Variants in BMAL2 observed in about 807,000 individuals in gnomAD.
The protein encoded by BMAL2 is basic helix-loop-helix ARNT like 2, also known as basic helix-loop-helix ARNT-like protein 2.
chr12:27,409,476 C>G, the BMAL2 span, among the ~76,000 whole-genome samples: 3 of 152,086 alleles, frequency 2.0e-5, no homozygotes, highest in African/African-American at 7.2e-5. Flanking sequence ...ACAAACCTGA[C>G]AAAAAGAAGA....
chr12:27,393,519 G>C, the BMAL2 span, among the ~76,000 whole-genome samples: 61 of 152,310 alleles, frequency 4.0e-4, no homozygotes, highest in African/African-American at 1.5e-3. Context: ...GTGAGAAATG[G>C]TAAGTAGGGA....
At chr12:27,377,630 C>G in the BMAL2 span, 2 of 152,152 alleles carry the variant, frequency 1.3e-5, no homozygotes, top group Non-Finnish European at 2.9e-5. Flanking sequence ...AATCCCAGCT[C>G]CTTGGAAGGC....
chr12:27,384,007 A>G, the BMAL2 span, among the ~76,000 whole-genome samples: 4 of 152,204 alleles, frequency 2.6e-5, no homozygotes, highest in Non-Finnish European at 5.9e-5. Context: ...TGTGGTTAAA[A>G]TGTCTAAGGA....
At chr12:27,337,646 G>A in the BMAL2 span, among the ~76,000 whole-genome samples, 1 of 152,124 alleles carries the variant, frequency 6.6e-6, no homozygotes, top group Non-Finnish European at 1.5e-5. Flanking sequence ...AACTGGTGTG[G>A]GAAAATCAAT....
At chr12:27,388,649 G>T in the BMAL2 span, among the ~76,000 whole-genome samples, 7 of 152,236 alleles carry the variant, frequency 4.6e-5, no homozygotes, top group Admixed American at 1.3e-4. Flanking sequence ...GATGAATTCT[G>T]AGGGGTGGGA....
the BMAL2 span, among the ~76,000 whole-genome samples, chr12:27,349,485 A>T: frequency 6.6e-6 from 1 of 152,148 alleles, no homozygotes; most frequent in Non-Finnish European, 1.5e-5. Flanking sequence ...CTGGCATTAT[A>T]GTTCTGATTT....
At chr12:27,361,142 C>T in the BMAL2 span, among the ~76,000 whole-genome samples, 1 of 152,166 alleles carries the variant, frequency 6.6e-6, no homozygotes, top group Non-Finnish European at 1.5e-5. Context: ...TGTGTATTCT[C>T]TTTCAACCAC....
the BMAL2 span, among the ~76,000 whole-genome samples, chr12:27,377,962 C>CTT: frequency 0.59 from 89,040 of 151,744 alleles, 26,431 homozygotes; most frequent in South Asian, 0.7. Flanking sequence ...CCTCCCTACT[C>CTT]TTATCTGGAA....
the BMAL2 span, among the ~76,000 whole-genome samples, chr12:27,411,745 C>G: frequency 6.6e-6 from 1 of 152,114 alleles, no homozygotes; most frequent in Non-Finnish European, 1.5e-5. Flanking sequence ...TGGATATTAA[C>G]CACTTAGCAG....
At chr12:27,336,280 C>T in the BMAL2 span, among the ~76,000 whole-genome samples, 1 of 152,050 alleles carries the variant, frequency 6.6e-6, no homozygotes, top group African/African-American at 2.4e-5. Flanking sequence ...ACAGTGATTT[C>T]CTGCCCTGGT....
At chr12:27,358,971 G>A in the BMAL2 span, among the ~76,000 whole-genome samples, 4 of 140,194 alleles carry the variant, frequency 2.9e-5, no homozygotes, top group Admixed American at 1.4e-4. Context: ...TATCCATCAT[G>A]TGACTAAGGA....
chr12:27,403,443 A>G, the BMAL2 span: 7 of 1,598,864 alleles, frequency 4.4e-6, no homozygotes, highest in Admixed American at 1.0e-4. Context: ...AATCCTCTAG[A>G]CAGTCCTGTA....
At chr12:27,420,019 G>GCGCGCGCGCGCGCACA in the BMAL2 span, among the ~76,000 whole-genome samples, 1 of 147,568 alleles carries the variant, frequency 6.8e-6, no homozygotes, top group East Asian at 2.0e-4. Context: ...GTTTGCGCGT[G>GCGCGCGCGCGCGCACA]CACACACACA....
chr12:27,408,075 A>G, the BMAL2 span, among the ~76,000 whole-genome samples: 2 of 152,178 alleles, frequency 1.3e-5, no homozygotes, highest in East Asian at 3.8e-4. Flanking sequence ...GACCAATAAC[A>G]GGCTCTGAAA....
chr12:27,346,573 T>C, the BMAL2 span, among the ~76,000 whole-genome samples: 17 of 152,216 alleles, frequency 1.1e-4, no homozygotes, highest in Non-Finnish European at 1.9e-4. Flanking sequence ...TAAACCTTTG[T>C]TTTTAAAGTG....
the BMAL2 span, chr12:27,420,716 G>T: frequency 1.5e-6 from 1 of 648,702 alleles, no homozygotes. Flanking sequence ...CCTCCCAAGA[G>T]AACCAAGTTT....
At chr12:27,416,251 A>G in the BMAL2 span, among the ~76,000 whole-genome samples, 4,468 of 152,260 alleles carry the variant, frequency 0.029, 107 homozygotes, top group East Asian at 0.12. Context: ...GATTTCGAGG[A>G]TTGTGAGAAT....
chr12:27,366,968 C>T, the BMAL2 span, among the ~76,000 whole-genome samples: 1 of 152,178 alleles, frequency 6.6e-6, no homozygotes, highest in Non-Finnish European at 1.5e-5. Context: ...CGGATACATT[C>T]TGAGACTCCC....
chr12:27,395,647 G>T, the BMAL2 span, among the ~76,000 whole-genome samples: 6 of 151,892 alleles, frequency 4.0e-5, no homozygotes, highest in Admixed American at 3.9e-4. Flanking sequence ...ATTTTTTATT[G>T]CAAGTTTTAC....
Sources: gnomAD v4.1 joint callset for allele counts (sites outside exome capture counted in the v4.1 genomes callset) on GRCh38, gnomAD v4.1.1 for gene constraint, MANE v1.5 for transcripts, NCBI Gene and HGNC (gene_info 2026-07-23, HGNC 2026-07-21) for gene names.